UBE4B: variants seen among roughly 807,000 people sequenced by gnomAD.
UBE4B encodes ubiquitin conjugation factor E4 B.
UBE4B carries 27 observed loss-of-function variants against 148.1 expected under a neutral mutation model. The observed-to-expected ratio is 0.18, with a 90% CI of 0.13 to 0.25. The LOEUF is 0.25. Among genes scored for constraint, UBE4B ranks in the 10% least tolerant of loss-of-function variants. The pLI is 1.00. For missense variants in UBE4B, 1,170 were observed against 1,662.4 expected (o/e 0.70, Z 5.15); for synonymous variants, 596 against 619.3 (o/e 0.96, Z 0.56).
intron 10 of UBE4B, among the ~76,000 whole-genome samples, chr1:10,125,916 G>C (rs1645484813): frequency 6.6e-6 from 1 of 152,016 alleles, no homozygotes; most frequent in African/African-American, 2.4e-5. Flanking sequence ...CTAGCTCTTT[G>C]CTCTAATTTA....
At chr1:10,166,208 G>C (rs1165580871) in intron 23 of UBE4B, 4 of 152,190 alleles carry the variant, frequency 2.6e-5, no homozygotes, top group African/African-American at 9.7e-5. Flanking sequence ...AAGAATTGAG[G>C]CTTTTCCTGA....
chr1:10,154,077 C>T (rs1209451068), intron 21 of UBE4B, among the ~76,000 whole-genome samples: 2 of 151,524 alleles, frequency 1.3e-5, no homozygotes, highest in East Asian at 3.9e-4. Context: ...AGCAAAACTC[C>T]GTCTCAAAAA....
At position 10,173,761 on chromosome 1, in the gene UBE4B, G is replaced by T. The variant is rs561836475; in HGVS notation, c.3525+2432G>T. The stretch of plus-strand genomic sequence containing the variant: ...GCTGTTTAGTGTGCGCCCTCTCCAG[G>T]GTGGTTGTGCTGTGGCTGCCACATC... On this transcript the variant is annotated intron_variant, in intron 25 of 27. Coordinates refer to ENST00000343090, the MANE Select transcript of UBE4B (RefSeq NM_001105562.3). 3.9e-5 allele frequency among the ~76,000 whole-genome samples: 6 copies of T among 152,282 alleles called. No individual in the cohort carries two copies. In the South Asian group the frequency reaches 6.2e-4, roughly 16 times the overall value.
chr1:10,065,326 A>G (rs1348257835), intron 1 of UBE4B, among the ~76,000 whole-genome samples: 3 of 152,146 alleles, frequency 2.0e-5, no homozygotes, highest in Admixed American at 6.6e-5. Flanking sequence ...TAGAGCAGTT[A>G]TGGGGCAAGT....
chr1:10,120,853 CTAAA>C (rs1645398246), intron 9 of UBE4B, among the ~76,000 whole-genome samples: 1 of 151,714 alleles, frequency 6.6e-6, no homozygotes, highest in African/African-American at 2.4e-5. Flanking sequence ...AATAATAATA[CTAAA>C]TAAATAAAAA....
chr1:10,049,211 G>C (rs1423379274), intron 1 of UBE4B, among the ~76,000 whole-genome samples: 1 of 152,210 alleles, frequency 6.6e-6, no homozygotes, highest in Admixed American at 6.5e-5. Context: ...CTTTGTGCCA[G>C]GTACTGAGGG....
At chr1:10,057,733 G>GAA (rs574034728) in intron 1 of UBE4B, among the ~76,000 whole-genome samples, 3 of 104,644 alleles carry the variant, frequency 2.9e-5, no homozygotes, top group Admixed American at 1.0e-4. Context: ...CTGTCTCACA[G>GAA]AAAAAAAAAA....
intron 7 of UBE4B, among the ~76,000 whole-genome samples, chr1:10,116,156 AT>A (rs1645305058): frequency 6.6e-6 from 1 of 151,446 alleles, no homozygotes; most frequent in South Asian, 2.1e-4. Flanking sequence ...TTTTTCTTTT[AT>A]TTTAGGACAG....
intron 21 of UBE4B, among the ~76,000 whole-genome samples, chr1:10,152,321 T>G (rs1645990422): frequency 6.6e-6 from 1 of 151,342 alleles, no homozygotes; most frequent in South Asian, 2.1e-4. Context: ...TCAAATTTAT[T>G]TCTTAAGTTG....
rs769772506 is a variant in UBE4B, at chr1:10,119,633, G to T, written c.1439+20G>T. 2 of 1,606,418 alleles carry T rather than the reference G, an allele frequency of 1.2e-6. No homozygotes were observed. Among genetic ancestry groups the T allele is most frequent in the East Asian group, 4.5e-5 (2 of 44,654 alleles). ...GCCCAGGTATGAAGACCCGTGACGTGCTTGACATTAGCAGGCAGAGAGCCC... is the reference window on the plus strand; with the variant it reads ...GCCCAGGTATGAAGACCCGTGACGTTCTTGACATTAGCAGGCAGAGAGCCC... On this transcript the variant is annotated intron_variant, in intron 9 of 27. Coordinates refer to ENST00000343090, the MANE Select transcript of UBE4B (RefSeq NM_001105562.3).
intron 19 of UBE4B, among the ~76,000 whole-genome samples, chr1:10,147,663 G>A (rs897637370): frequency 2.0e-5 from 3 of 151,896 alleles, no homozygotes; most frequent in African/African-American, 7.3e-5. Context: ...TAAAGTCTTT[G>A]ATTGATAGAA....
At chr1:10,037,228 T>C (rs948503154) in intron 1 of UBE4B, among the ~76,000 whole-genome samples, 1 of 152,182 alleles carries the variant, frequency 6.6e-6, no homozygotes, top group African/African-American at 2.4e-5. Context: ...GGTTTCTCCA[T>C]GTTGGTCAGG....
chr1:10,172,088 G>A (rs1279590463), intron 25 of UBE4B, among the ~76,000 whole-genome samples: 1 of 152,082 alleles, frequency 6.6e-6, no homozygotes, highest in African/African-American at 2.4e-5. Context: ...TTTTGGGGTT[G>A]TCCAGATTAA....
At chr1:10,126,994 T>G (rs1216252279) in intron 11 of UBE4B, 117 bp downstream of exon 11, 2 of 902,224 alleles carry the variant, frequency 2.2e-6, no homozygotes, top group Non-Finnish European at 3.5e-6. Flanking sequence ...ATTTAAAACA[T>G]GAAATCACTG....
chr1:10,164,762 G>A (rs931096229), intron 23 of UBE4B, among the ~76,000 whole-genome samples: 4 of 152,074 alleles, frequency 2.6e-5, no homozygotes, highest in Admixed American at 1.3e-4. Flanking sequence ...GTCTGAGCTT[G>A]GTGAGCTCCA....
intron 2 of UBE4B, among the ~76,000 whole-genome samples, chr1:10,088,411 C>T (rs918701069): frequency 6.6e-6 from 1 of 151,702 alleles, no homozygotes; most frequent in Non-Finnish European, 1.5e-5. Flanking sequence ...GATGGAGTCT[C>T]ACTCTGTTGC....
intron 2 of UBE4B, among the ~76,000 whole-genome samples, chr1:10,074,109 C>G (rs1316732554): frequency 2.0e-5 from 3 of 151,852 alleles, no homozygotes; most frequent in African/African-American, 7.3e-5. Flanking sequence ...TAACTCTGGC[C>G]TCATATTTCA....
chr1:10,129,804 C>T (rs928559991), intron 12 of UBE4B, among the ~76,000 whole-genome samples: 6 of 152,000 alleles, frequency 3.9e-5, no homozygotes, highest in African/African-American at 1.5e-4. Flanking sequence ...GCATGCATTA[C>T]CATGCGAGGC....
intron 21 of UBE4B, among the ~76,000 whole-genome samples, chr1:10,152,933 G>A (rs1026614485): frequency 2.6e-5 from 4 of 151,774 alleles, no homozygotes; most frequent in African/African-American, 9.7e-5. Context: ...GGGCTTGGAC[G>A]GAGCTAGGAC....
Sources: gnomAD v4.1 joint callset for allele counts (sites outside exome capture counted in the v4.1 genomes callset) on GRCh38, gnomAD v4.1.1 for gene constraint, MANE v1.5 for transcripts, NCBI Gene and HGNC (gene_info 2026-07-23, HGNC 2026-07-21) for gene names.